Variants in PARD3B observed in about 807,000 individuals in gnomAD.
PARD3B encodes the protein partitioning defective 3 homolog B.
Under a neutral mutation model 130.2 loss-of-function variants are expected in PARD3B, and 103 were observed. The observed-to-expected ratio is 0.79, with a 90% CI of 0.67 to 0.93. PARD3B has a LOEUF of 0.93. PARD3B is among the 40% of genes least tolerant of loss of function. PARD3B has a pLI of 0.00. For missense variants in PARD3B, 1,609 were observed against 1,499.2 expected, an observed-to-expected ratio of 1.07 and a Z score of -1.21; for synonymous variants, 583 against 553.2, an observed-to-expected ratio of 1.05 and a Z score of -0.76.
intron 3 of PARD3B, among the ~76,000 whole-genome samples, chr2:205,025,538 T>C (rs1280059761): frequency 6.6e-6 from 1 of 152,202 alleles, no homozygotes; most frequent in African/African-American, 2.4e-5. Flanking sequence ...TCTGGGATTG[T>C]TGACAGAATT....
At chr2:205,055,211 A>T (rs1699558200) in intron 4 of PARD3B, among the ~76,000 whole-genome samples, 1 of 152,160 alleles carries the variant, frequency 6.6e-6, no homozygotes, top group East Asian at 1.9e-4. Context: ...ATAACTGTTC[A>T]AAACATTTAG....
intron 2 of PARD3B, among the ~76,000 whole-genome samples, chr2:204,771,380 G>T (rs1420386750): frequency 1.3e-5 from 2 of 152,072 alleles, no homozygotes; most frequent in African/African-American, 4.8e-5. Context: ...TGCTTTCAGG[G>T]AGCCTTGGTC....
intron 19 of PARD3B, among the ~76,000 whole-genome samples, chr2:205,436,544 C>T (rs1457213307): frequency 6.6e-6 from 1 of 151,868 alleles, no homozygotes; most frequent in African/African-American, 2.4e-5. Flanking sequence ...TTAAGTATGA[C>T]CATTAAATTT....
intron 2 of PARD3B, among the ~76,000 whole-genome samples, chr2:204,902,491 G>A (rs2046897458): frequency 6.6e-6 from 1 of 151,852 alleles, no homozygotes. Flanking sequence ...AACACGGTGA[G>A]ACCCCGTCTC....
intron 2 of PARD3B, among the ~76,000 whole-genome samples, chr2:204,835,993 C>T (rs1238593855): frequency 6.6e-6 from 1 of 152,078 alleles, no homozygotes; most frequent in African/African-American, 2.4e-5. Context: ...TTTATTGACA[C>T]CCCATTTAAA....
intron 21 of PARD3B, among the ~76,000 whole-genome samples, chr2:205,517,807 A>T (rs1005996658): frequency 2.0e-5 from 3 of 152,156 alleles, no homozygotes; most frequent in Admixed American, 6.6e-5. Flanking sequence ...AGTTTTAAAG[A>T]ACTTTTTGAT....
intron 15 of PARD3B, among the ~76,000 whole-genome samples, chr2:205,208,989 C>T (rs1185025963): frequency 4.0e-5 from 5 of 126,092 alleles, no homozygotes; most frequent in African/African-American, 1.7e-4. Context: ...GCTACAGTAA[C>T]CAAAACAGCA....
At chr2:204,998,290 C>T (rs550911470) in intron 3 of PARD3B, among the ~76,000 whole-genome samples, 21 of 131,026 alleles carry the variant, frequency 1.6e-4, no homozygotes, top group African/African-American at 5.8e-4. Flanking sequence ...GCACATTCTG[C>T]ACATGTATCC....
intron 18 of PARD3B, among the ~76,000 whole-genome samples, chr2:205,395,527 T>C (rs902079048): frequency 6.6e-6 from 1 of 152,204 alleles, no homozygotes; most frequent in Non-Finnish European, 1.5e-5. Context: ...CTTTAAGTGT[T>C]ACAGTTTTTC....
In PARD3B at chr2:205,178,143, TAAAAAAAAAAAAAA is replaced by T. The variant is rs58267787; in HGVS notation, c.1924+1588_1924+1601del. Among the ~76,000 whole-genome samples the T allele has an allele frequency of 1.4e-3, 29 of 20,790 alleles. No homozygotes were observed. In the South Asian group the frequency reaches 0.029, roughly 21 times the overall value. The allele number at this position is 20,790 out of a possible 152,430, so 13.6% of individuals were successfully genotyped here. A position where few individuals can be genotyped will look rare whatever the true frequency, so the allele number is the denominator to read the frequency against. On this transcript the variant is annotated intron_variant, in intron 13 of 22. Transcript: ENST00000406610. ...CAACATGGCAAAATCCCATCTGTACTAAAAAAAAAAAAAAAAAAAAAAAAAAAAAAAAAAATTAG... is the reference window on the plus strand; with the variant it reads ...CAACATGGCAAAATCCCATCTGTACTAAAAAAAAAAAAAAAAAAAAATTAG...
At chr2:205,307,864 G>A (rs1398597936) in intron 18 of PARD3B, among the ~76,000 whole-genome samples, 1 of 151,976 alleles carries the variant, frequency 6.6e-6, no homozygotes, top group Non-Finnish European at 1.5e-5. Context: ...AAAAACCTTT[G>A]AACTGTCAAC....
chr2:205,444,997 T>G lies in PARD3B; in HGVS notation c.3044+4325T>G, dbSNP rs192248359. Reference sequence around the variant, plus strand: ...AGAGAATTGATTAAGAGGTGAGAACTTAAGGAGTGAGCTCTTGGTGACAAA... The same window carrying G: ...AGAGAATTGATTAAGAGGTGAGAACGTAAGGAGTGAGCTCTTGGTGACAAA... On this transcript the variant is annotated intron_variant, in intron 20 of 22. Transcript: ENST00000406610. 9.0e-4 allele frequency among the ~76,000 whole-genome samples: 137 copies of G among 152,122 alleles called. 1 individual carries two copies. Among genetic ancestry groups the G allele is most frequent in the Non-Finnish European group, 1.8e-3 (121 of 67,990 alleles).
At position 205,116,809 on chromosome 2, in the gene PARD3B, T is replaced by C. The variant is rs528475958; in HGVS notation, c.681-2112T>C. Among the ~76,000 whole-genome samples, 1 of 152,270 alleles carries C rather than the reference T, an allele frequency of 6.6e-6. No individual in the cohort carries two copies. The highest frequency in any genetic ancestry group is 2.4e-5 in the African/African-American group (1 of 41,568). On this transcript the variant is annotated intron_variant, in intron 6 of 22. Transcript: ENST00000406610. The surrounding 1 kb of genome is among the most constrained non-coding windows in gnomAD (Gnocchi z 4.5). ...AGTTTTACATTTTACCAAAATTACC[T>C]CTGACACATGGGTTTTACAGTTGGG...
intron 1 of PARD3B, among the ~76,000 whole-genome samples, chr2:204,662,836 G>A (rs1357060946): frequency 6.6e-6 from 1 of 152,036 alleles, no homozygotes; most frequent in Non-Finnish European, 1.5e-5. Context: ...AGTAAATAAG[G>A]CCAATAACAT....
chr2:205,200,417 C>T (rs1339063559), intron 15 of PARD3B, among the ~76,000 whole-genome samples: 3 of 152,120 alleles, frequency 2.0e-5, no homozygotes, highest in African/African-American at 7.2e-5. Context: ...CTTTACAAAA[C>T]AGGATTTTTT....
intron 2 of PARD3B, among the ~76,000 whole-genome samples, chr2:204,911,735 A>G (rs927104425): frequency 1.3e-5 from 2 of 152,228 alleles, no homozygotes; most frequent in African/African-American, 4.8e-5. Context: ...GCCCATAGCA[A>G]CAATTCATTT....
chr2:205,396,596 A>G (rs188046270), intron 18 of PARD3B, among the ~76,000 whole-genome samples: 39 of 152,354 alleles, frequency 2.6e-4, no homozygotes, highest in African/African-American at 9.1e-4. Context: ...AAGATCCATC[A>G]TAAGATTCTT....
chr2:204,619,143 AT>A, intron 1 of PARD3B, among the ~76,000 whole-genome samples: 1 of 152,158 alleles, frequency 6.6e-6, no homozygotes, highest in Admixed American at 6.5e-5. Flanking sequence ...AGGGCTGGAT[AT>A]TGGGTTTGTG....
At chr2:205,016,614 G>A (rs1696170103) in intron 3 of PARD3B, among the ~76,000 whole-genome samples, 3 of 152,170 alleles carry the variant, frequency 2.0e-5, no homozygotes. Flanking sequence ...ATGGAAACGA[G>A]GATCCCAGGA....
Sources: allele counts gnomAD v4.1 joint callset (sites outside exome capture counted in the v4.1 genomes callset), GRCh38; gene constraint gnomAD v4.1.1; non-coding constraint Gnocchi (gnomAD v3.1); transcripts MANE v1.5; gene names NCBI Gene and HGNC (gene_info 2026-07-23, HGNC 2026-07-21).